Variants in CHL1 observed in about 807,000 individuals in gnomAD.
The protein encoded by CHL1 is cell adhesion molecule L1 like, also known as neural cell adhesion molecule L1-like protein.
CHL1 carries 96 observed loss-of-function variants against 141.9 expected under a neutral mutation model. The observed-to-expected ratio is 0.68, with a 90% CI of 0.57 to 0.80. The LOEUF (loss-of-function observed/expected upper bound fraction) is 0.80. Among genes scored for constraint, CHL1 ranks in the 30% least tolerant of loss-of-function variants. The pLI, the probability that CHL1 is intolerant of heterozygous loss-of-function variation, is 0.00. For synonymous variants in CHL1, 613 were observed against 502.2 expected (o/e 1.22, Z -2.95); for missense variants, 1,820 against 1,457.2 (o/e 1.25, Z -4.05).
At chr3:270,637 C>G (rs185548344) in intron 2 of CHL1, among the ~76,000 whole-genome samples, 1 of 152,132 alleles carries the variant, frequency 6.6e-6, no homozygotes, top group Non-Finnish European at 1.5e-5. Context: ...AATTTGGTGG[C>G]CAAAAACAAT....
At chr3:324,600 T>A (rs1700852667) in intron 3 of CHL1, among the ~76,000 whole-genome samples, 1 of 143,880 alleles carries the variant, frequency 7.0e-6, no homozygotes, top group African/African-American at 2.5e-5. Context: ...CAAAATCACT[T>A]CCTACTTTAT....
intron 1 of CHL1, among the ~76,000 whole-genome samples, chr3:234,000 G>A (rs574056322): frequency 5.9e-5 from 9 of 151,996 alleles, no homozygotes; most frequent in Admixed American, 3.9e-4. Context: ...AAGTCAAAAT[G>A]CTCATAATAT....
intron 2 of CHL1, among the ~76,000 whole-genome samples, chr3:250,512 T>C (rs892234961): frequency 7.2e-5 from 11 of 152,050 alleles, no homozygotes; most frequent in Non-Finnish European, 1.6e-4. Context: ...ATCTCAGTAC[T>C]GAGTTTCTAT....
At chr3:209,795 T>C (rs1412870406) in intron 1 of CHL1, among the ~76,000 whole-genome samples, 3 of 152,154 alleles carry the variant, frequency 2.0e-5, no homozygotes, top group Non-Finnish European at 4.4e-5. Flanking sequence ...CCCAAATCTT[T>C]TAAACGGTTT....
At chr3:270,784 C>G (rs1269341550) in intron 2 of CHL1, among the ~76,000 whole-genome samples, 1 of 152,184 alleles carries the variant, frequency 6.6e-6, no homozygotes, top group African/African-American at 2.4e-5. Context: ...GGCTGCTCAC[C>G]ACAGCTTTCC....
At chr3:376,099 A>G (rs967265947) in intron 15 of CHL1, among the ~76,000 whole-genome samples, 2 of 152,200 alleles carry the variant, frequency 1.3e-5, no homozygotes, top group African/African-American at 4.8e-5. Context: ...TTCTTCTAAG[A>G]GTTCAAGTGT....
intron 21 of CHL1, 48 bp from the exon 22 acceptor site, chr3:390,907 A>T (rs1452961609): frequency 6.4e-7 from 1 of 1,553,666 alleles, no homozygotes. Flanking sequence ...GTCAAAGAGA[A>T]TCTGCGACCA....
intron 5 of CHL1, among the ~76,000 whole-genome samples, chr3:337,860 T>C (rs1702034305): frequency 6.6e-6 from 1 of 152,206 alleles, no homozygotes; most frequent in African/African-American, 2.4e-5. Flanking sequence ...CATAGCAGCA[T>C]GATTTATAAT....
rs1271816511 is a variant in CHL1, at chr3:360,534, CA to C, written c.1306+113del. The C allele has an allele frequency of 3.9e-5, 42 of 1,080,250 alleles. 1 individual carries two copies. Among genetic ancestry groups the C allele is most frequent in the Middle Eastern group, 2.1e-4 (1 of 4,694 alleles). The allele number at this position is 1,080,250 out of a possible 1,614,324, so 66.9% of individuals were successfully genotyped here. On this transcript the variant is annotated intron_variant, in intron 12 of 27. Transcript: ENST00000256509. ...ACACATAATATATGGAGGGAAAAAT[CA>C]AACTACTTTTCACCATACATTTGAG... is the stretch of plus-strand genomic sequence containing the variant.
chr3:219,106 G>A (rs967254095), intron 1 of CHL1, among the ~76,000 whole-genome samples: 49 of 151,744 alleles, frequency 3.2e-4, no homozygotes, highest in Non-Finnish European at 6.0e-4. Context: ...CCGAGATCAT[G>A]CCACTGCACT....
intron 1 of CHL1, among the ~76,000 whole-genome samples, chr3:235,161 A>G (rs1294089436): frequency 6.6e-6 from 1 of 151,928 alleles, no homozygotes; most frequent in African/African-American, 2.4e-5. Context: ...CCCTCTTTCT[A>G]AACATTATTA....
chr3:395,226 T>C (rs1435388796), intron 24 of CHL1, among the ~76,000 whole-genome samples: 1 of 152,222 alleles, frequency 6.6e-6, no homozygotes, highest in African/African-American at 2.4e-5. Context: ...AATGTTTCCA[T>C]ACAGAAAAAT....
chr3:266,348 G>T (rs776624960), intron 2 of CHL1, among the ~76,000 whole-genome samples: 1 of 152,158 alleles, frequency 6.6e-6, no homozygotes, highest in Non-Finnish European at 1.5e-5. Context: ...CAAGGAAAGC[G>T]ATACAATTTC....
chr3:405,769 C>T lies in CHL1; in HGVS notation c.*58C>T. On this transcript the variant is annotated 3_prime_UTR_variant, in exon 28 of 28. Transcript: ENST00000256509. Reference sequence around the variant, plus strand: ...CCCCAACCTTCCATATTTATCTGTTCAAAGGAGCAAGAACTTTCATATAGG... The same window carrying T: ...CCCCAACCTTCCATATTTATCTGTTTAAAGGAGCAAGAACTTTCATATAGG... 1 of 1,306,492 alleles carries T rather than the reference C, an allele frequency of 7.7e-7. No individual in the cohort carries two copies. The highest frequency in any genetic ancestry group is 1.1e-6 in the Non-Finnish European group (1 of 912,480). 80.9% of individuals were successfully genotyped at this position (1,306,492 alleles called of 1,614,324 possible).
rs780595760 is a variant in CHL1 at position 383,875 on chromosome 3, A to T, written c.2236A>T (p.Ile746Leu). Reference protein sequence around the residue: ...VQASQPKEMIIKWEPLKSMEQ... With the variant: ...VQASQPKEMILKWEPLKSMEQ... ...AGCCTCTCAACCCAAGGAAATGATT[A>T]TAAAGTGGGAGGTGTGTATTTCTTA... Residue 746 changes from isoleucine to leucine, a missense_variant, in exon 19 of 28, where the codon ATA (isoleucine) becomes TTA (leucine). Physicochemically the swap from Ile to Leu is conservative, Grantham distance 5. Coordinates refer to ENST00000256509, the MANE Select transcript of CHL1 (RefSeq NM_006614.4). 1 of 1,608,350 alleles carries T rather than the reference A, an allele frequency of 6.2e-7. No individual in the cohort carries two copies. Among genetic ancestry groups the T allele is most frequent in the Admixed American group, 1.7e-5 (1 of 59,990 alleles).
At chr3:389,182 G>A in intron 19 of CHL1, 70 bp from the exon 20 acceptor site, 1 of 1,165,974 alleles carries the variant, frequency 8.6e-7, no homozygotes, top group South Asian at 1.3e-5. Context: ...TTCCACTTAG[G>A]GTGGTTCACC....
At position 349,484 on chromosome 3, in the gene CHL1, G is replaced by C; in HGVS notation, c.974G>C (p.Arg325Pro). The C allele has an allele frequency of 6.2e-7, 1 of 1,613,932 alleles. No homozygotes were observed. The highest frequency in any genetic ancestry group is 8.5e-7 in the Non-Finnish European group (1 of 1,179,920). Residue 325 changes from arginine (R) to proline (P), a missense_variant, in exon 10 of 28, where the codon CGC becomes CCC. Coordinates refer to ENST00000256509, the MANE Select transcript of CHL1 (RefSeq NM_006614.4). ...NVSYQDKGNY[R>P]CTASNFLGTA... ...TCCTACCAGGACAAAGGAAATTATC[G>C]CTGCACAGCCAGCAATTTCTTGGGA...
At chr3:334,807 T>C (rs944220291) in intron 5 of CHL1, among the ~76,000 whole-genome samples, 1 of 152,180 alleles carries the variant, frequency 6.6e-6, no homozygotes, top group African/African-American at 2.4e-5. Flanking sequence ...ATGTATTAAT[T>C]AGGATCCTTA....
chr3:205,155 C>T lies in CHL1; in HGVS notation c.-175+8092C>T, dbSNP rs77423042. ...TCTGGCTCTGTTGCCCAGGCTGGAG[C>T]GCTGGAGTACAGTGGTATGGTCATC... On this transcript the variant is annotated intron_variant, in intron 1 of 27. Coordinates refer to ENST00000256509, the MANE Select transcript of CHL1 (RefSeq NM_006614.4). Among the ~76,000 whole-genome samples, 6 of 139,488 alleles carry T rather than the reference C, an allele frequency of 4.3e-5. No homozygotes were observed. The East Asian group carries it at 8.4e-4, about 20-fold the overall frequency. 91.5% of individuals were successfully genotyped at this position (139,488 alleles called of 152,430 possible).
Sources: gnomAD v4.1 joint callset for allele counts (sites outside exome capture counted in the v4.1 genomes callset) on GRCh38, gnomAD v4.1.1 for gene constraint, MANE v1.5 for transcripts, NCBI Gene and HGNC (gene_info 2026-07-23, HGNC 2026-07-21) for gene names.